Variants in ARID4B observed in about 807,000 individuals in gnomAD.
ARID4B encodes AT-rich interaction domain 4B.
Under a neutral mutation model 147.5 loss-of-function variants are expected in ARID4B, and 26 were observed. That is an observed-to-expected ratio of 0.18 (90% CI 0.13 to 0.24). The LOEUF is 0.24. Among genes scored for constraint, ARID4B ranks in the 10% least tolerant of loss-of-function variants. ARID4B has a pLI of 1.00. For missense variants in ARID4B, 1,179 were observed against 1,511.5 expected (o/e 0.78, Z 3.65); for synonymous variants, 512 against 507.9 (o/e 1.01, Z -0.11).
rs935136903 is a variant in ARID4B, at chr1:235,276,076, T to C, written c.7-15324A>G. Among the ~76,000 whole-genome samples the C allele has an allele frequency of 1.8e-4, 27 of 151,150 alleles. 1 individual carries two copies. The highest frequency in any genetic ancestry group is 1.7e-3 in the Admixed American group (25 of 15,084). On this transcript the variant is annotated intron_variant, in intron 2 of 23. Coordinates refer to ENST00000264183, the MANE Select transcript of ARID4B (RefSeq NM_016374.6). ...TCACTTGAGCCTGGGGAGTAGAGGC[T>C]GCAGCAAGCTGTGATCACACCATTG...
Position 235,194,019 on chromosome 1 carries a change from G to A in ARID4B, c.2119C>T (p.Leu707Phe). 1 of 1,594,084 alleles carries A rather than the reference G, an allele frequency of 6.3e-7. No individual in the cohort carries two copies. The highest frequency in any genetic ancestry group is 8.6e-7 in the Non-Finnish European group (1 of 1,163,080). The part of the protein sequence containing the change: ...SIEITSILNG[L>F]QASESSAEDS... Reference sequence around the variant, plus strand: ...GAACGATTGTTATGTTTACCTTGAAGTCCATTAAGGATCGAAGTAATTTCT... The same window carrying A: ...GAACGATTGTTATGTTTACCTTGAAATCCATTAAGGATCGAAGTAATTTCT... Residue 707 changes from leucine to phenylalanine, a missense_variant, in exon 19 of 24, where the codon CTT (leucine) becomes TTT (phenylalanine). Leu to Phe is a conservative substitution (Grantham distance 22). Around this residue, in one of 10 missense-constraint regions of ARID4B, gnomAD observed 321 missense variants for 342.4 expected, o/e 0.94. Coordinates refer to ENST00000264183, the MANE Select transcript of ARID4B (RefSeq NM_016374.6).
At chr1:235,185,847 T>C (rs1664635113) in intron 19 of ARID4B, among the ~76,000 whole-genome samples, 1 of 152,196 alleles carries the variant, frequency 6.6e-6, no homozygotes, top group Non-Finnish European at 1.5e-5. Context: ...ATTTTTTCAT[T>C]CTTGATATTT....
intron 19 of ARID4B, among the ~76,000 whole-genome samples, chr1:235,193,099 A>G (rs1466589390): frequency 6.6e-6 from 1 of 152,058 alleles, no homozygotes; most frequent in African/African-American, 2.4e-5. Context: ...GTCTCAAAAA[A>G]AAAAAAAAAG....
chr1:235,266,709 C>T (rs1027529854), intron 2 of ARID4B, among the ~76,000 whole-genome samples: 2 of 152,144 alleles, frequency 1.3e-5, no homozygotes, highest in African/African-American at 2.4e-5. Context: ...ACAAATGAAT[C>T]AACAGTAATC....
chr1:235,252,600 C>G (rs1169500920), intron 6 of ARID4B, 130 bp downstream of exon 6: 5 of 632,552 alleles, frequency 7.9e-6, no homozygotes, highest in Non-Finnish European at 1.3e-5. Context: ...TCACAGATTA[C>G]ATCATAAGGG....
intron 6 of ARID4B, among the ~76,000 whole-genome samples, chr1:235,247,146 C>T (rs936100698): frequency 6.6e-6 from 1 of 152,030 alleles, no homozygotes; most frequent in Non-Finnish European, 1.5e-5. Flanking sequence ...CTGTTCCTTT[C>T]CTCATCCTAA....
At position 235,235,748 on chromosome 1, in the gene ARID4B, G is replaced by A. The variant is rs928952305; in HGVS notation, c.586-1256C>T. The stretch of plus-strand genomic sequence containing the variant: ...AAAACTGAAAAGGAGAACTGCATGA[G>A]CCATGGAATCTAAGATTTCCCCCTC... On this transcript the variant is annotated intron_variant, in intron 8 of 23. Transcript: ENST00000264183. Among the ~76,000 whole-genome samples the A allele has an allele frequency of 3.3e-5, 5 of 152,134 alleles. 1 individual carries two copies. In the East Asian group the frequency reaches 7.7e-4, roughly 23 times the overall value.
rs1665314574 is a variant in ARID4B at position 235,194,094 on chromosome 1, G to C, written c.2044C>G (p.Leu682Val). Reference sequence around the variant, plus strand: ...GAGTTTTTGGCATCAGTGAGATCCAGTTTGGATACCATTTCAGGAGATGGA... The same window carrying C: ...GAGTTTTTGGCATCAGTGAGATCCACTTTGGATACCATTTCAGGAGATGGA... Reference protein sequence around the residue: ...TNPSPEMVSKLDLTDAKNSDT... With the variant: ...TNPSPEMVSKVDLTDAKNSDT... The change falls in exon 19 of 24, where the codon CTG becomes GTG. Residue 682 changes from leucine (L) to valine (V), a missense_variant. Leu to Val is a conservative substitution (Grantham distance 32). Transcript: ENST00000264183. 6.2e-7 allele frequency: 1 copy of C among 1,613,144 alleles called. No individual in the cohort carries two copies. The highest frequency in any genetic ancestry group is 8.5e-7 in the Non-Finnish European group (1 of 1,179,264).
Position 235,220,307 on chromosome 1 carries a change from A to G in ARID4B, c.1402T>C (p.Ser468Pro), listed in dbSNP as rs147795949. ...EIERKENIKP[S>P]LGSKKNLLES... ...ATTAACAATATCTGATTTACCAGAG[A>G]GGGCTTAATATTTTCTTTTCTTTCA... Residue 468 changes from serine (S) to proline (P), a missense_variant, in exon 15 of 24, where the codon TCT (serine) becomes CCT (proline). Coordinates refer to ENST00000264183, the MANE Select transcript of ARID4B (RefSeq NM_016374.6). 4.9e-4 allele frequency: 790 copies of G among 1,596,396 alleles called. 13 individuals carry two copies. The South Asian group carries it at 8.4e-3, about 17-fold the overall frequency.
chr1:235,190,297 A>T (rs1245516572), intron 19 of ARID4B, among the ~76,000 whole-genome samples: 1 of 152,072 alleles, frequency 6.6e-6, no homozygotes, highest in African/African-American at 2.4e-5. Context: ...AAAATAGAAA[A>T]ACTAGCCAGG....
At chr1:235,182,826 T>G (rs1192568296) in intron 19 of ARID4B, 33 bp from the exon 20 acceptor site, 2 of 1,546,356 alleles carry the variant, frequency 1.3e-6, no homozygotes, top group South Asian at 2.5e-5. Context: ...ATGATGAGTA[T>G]GATAAGAACA....
intron 14 of ARID4B, 42 bp downstream of exon 14, chr1:235,221,523 G>A (rs12117563): frequency 0.17 from 197,018 of 1,156,118 alleles, 22,110 homozygotes; most frequent in East Asian, 0.6. Context: ...TGCTTTCTAG[G>A]TAAAAATACT....
intron 2 of ARID4B, among the ~76,000 whole-genome samples, chr1:235,297,551 G>C (rs1237186249): frequency 6.6e-6 from 1 of 152,164 alleles, no homozygotes; most frequent in East Asian, 1.9e-4. Context: ...ATCCTCAGAT[G>C]CTGCGAAAAC....
intron 7 of ARID4B, among the ~76,000 whole-genome samples, chr1:235,245,017 C>A (rs1412001365): frequency 1.3e-5 from 2 of 152,076 alleles, no homozygotes; most frequent in Non-Finnish European, 2.9e-5. Flanking sequence ...AATGACCAAC[C>A]GTGGTAGAGA....
intron 2 of ARID4B, among the ~76,000 whole-genome samples, chr1:235,281,012 A>G (rs1671637318): frequency 1.3e-5 from 2 of 148,764 alleles, no homozygotes; most frequent in African/African-American, 5.0e-5. Flanking sequence ...AAGATAACAG[A>G]AAAAAAAAAG....
At chr1:235,211,225 G>A (rs968845783) in intron 17 of ARID4B, among the ~76,000 whole-genome samples, 2 of 152,132 alleles carry the variant, frequency 1.3e-5, no homozygotes, top group African/African-American at 4.8e-5. Context: ...CAGCTACTCA[G>A]GAGACTGAGG....
intron 2 of ARID4B, among the ~76,000 whole-genome samples, chr1:235,280,680 C>T (rs1671608549): frequency 1.3e-5 from 2 of 152,352 alleles, no homozygotes; most frequent in South Asian, 2.1e-4. Flanking sequence ...ACAGCAGGGG[C>T]GCAGGGTGGG....
chr1:235,253,471 C>T (rs1488542534), intron 5 of ARID4B, among the ~76,000 whole-genome samples: 2 of 152,106 alleles, frequency 1.3e-5, no homozygotes, highest in Admixed American at 6.6e-5. Context: ...TGAAAACTAG[C>T]GACTTAAAAT....
intron 2 of ARID4B, among the ~76,000 whole-genome samples, chr1:235,310,325 A>C (rs1367517920): frequency 2.0e-5 from 3 of 152,242 alleles, no homozygotes; most frequent in African/African-American, 4.8e-5. Flanking sequence ...GCCATCAAAA[A>C]GTCACTAAAT....
Sources: gnomAD v4.1 joint callset for allele counts (sites outside exome capture counted in the v4.1 genomes callset) on GRCh38, gnomAD v4.1.1 for gene constraint, gnomAD v4.1.1 regional missense constraint, MANE v1.5 for transcripts, NCBI Gene and HGNC (gene_info 2026-07-23, HGNC 2026-07-21) for gene names.